UGT2A2: variants seen among roughly 807,000 people sequenced by gnomAD.
UGT2A2 encodes the protein UDP-glucuronosyltransferase 2A2.
A neutral mutation model predicts 50.7 loss-of-function variants in UGT2A2; 60 were observed. The observed-to-expected ratio is 1.18, with a 90% confidence interval of 0.96 to 1.47. UGT2A2 has a LOEUF of 1.47. UGT2A2 is among the 40% of genes most tolerant of loss of function. UGT2A2 has a pLI of 0.00. For synonymous variants in UGT2A2, 242 were observed against 214.6 expected, an observed-to-expected ratio of 1.13 and a Z score of -1.11; for missense variants, 762 against 634.0, an observed-to-expected ratio of 1.20 and a Z score of -2.17.
Position 69,588,649 on chromosome 4 carries a change from T to G in UGT2A2, c.*723A>C, listed in dbSNP as rs1449346493. On this transcript the variant is annotated 3_prime_UTR_variant, in exon 6 of 6. Coordinates refer to ENST00000604629, the MANE Select transcript of UGT2A2 (RefSeq NM_001105677.2). ...TCACCTTCAACATATAACATAGAAC[T>G]TTCTCCTTGAAATAAAAGAGTCGAT... 6.6e-6 allele frequency: 1 copy of G among 152,010 alleles called. No individual in the cohort carries two copies. Among genetic ancestry groups the G allele is most frequent in the African/African-American group, 2.4e-5 (1 of 41,510 alleles). The allele number at this position is 152,010 out of a possible 1,614,324, so 9.4% of individuals were successfully genotyped here.
At chr4:69,600,502 G>C (rs115475103) in intron 1 of UGT2A2, among the ~76,000 whole-genome samples, 1 of 152,164 alleles carries the variant, frequency 6.6e-6, no homozygotes, top group Non-Finnish European at 1.5e-5. Context: ...ATGGCCACAG[G>C]CACAAGAGAT....
chr4:69,633,831 T>C (rs1016031572), intron 1 of UGT2A2, among the ~76,000 whole-genome samples: 3 of 152,184 alleles, frequency 2.0e-5, no homozygotes, highest in African/African-American at 4.8e-5. Context: ...AGAGGAGTTA[T>C]GGATTGCATT....
In UGT2A2 at chr4:69,616,444, T is replaced by C. The variant is rs919538707; in HGVS notation, c.743-17050A>G. Among the ~76,000 whole-genome samples the C allele has an allele frequency of 3.3e-5, 5 of 152,140 alleles. No homozygotes were observed. In the East Asian group the frequency reaches 7.7e-4, roughly 24 times the overall value. ...TATGGATATCCCAATTATCCTGATT[T>C]GATCATTACACATTTTAAGCTTTCA... is the stretch of plus-strand genomic sequence containing the variant. On this transcript the variant is annotated intron_variant, in intron 1 of 5. Coordinates refer to ENST00000604629, the MANE Select transcript of UGT2A2 (RefSeq NM_001105677.2).
At chr4:69,613,995 A>G (rs1385198340) in intron 1 of UGT2A2, among the ~76,000 whole-genome samples, 3 of 152,106 alleles carry the variant, frequency 2.0e-5, no homozygotes, top group Non-Finnish European at 4.4e-5. Flanking sequence ...GACGAGTGAA[A>G]GAAGTAAAGG....
At chr4:69,599,562 A>T in intron 1 of UGT2A2, 168 bp from the exon 2 acceptor site, 1 of 1,016,372 alleles carries the variant, frequency 9.8e-7, no homozygotes, top group Non-Finnish European at 1.3e-6. Flanking sequence ...ATTAAAGAGG[A>T]TGGAAGAAAG....
intron 1 of UGT2A2, among the ~76,000 whole-genome samples, chr4:69,605,949 A>C (rs1719583656): frequency 7.3e-6 from 1 of 136,866 alleles, no homozygotes; most frequent in Non-Finnish European, 1.6e-5. Context: ...GCAACCAAAA[A>C]AAGTCCAGGA....
chr4:69,594,882 G>T (rs937674518), intron 4 of UGT2A2, among the ~76,000 whole-genome samples, 186 bp from the exon 5 acceptor site: 1 of 152,126 alleles, frequency 6.6e-6, no homozygotes, highest in Admixed American at 6.6e-5. Context: ...GTAATTAACA[G>T]CATTTGCATT....
At chr4:69,589,889 G>T (rs1202872624) in intron 5 of UGT2A2, among the ~76,000 whole-genome samples, 2 of 152,164 alleles carry the variant, frequency 1.3e-5, no homozygotes, top group African/African-American at 4.8e-5. Context: ...AGTAGAGTAA[G>T]CCAGTTGTAA....
intron 1 of UGT2A2, among the ~76,000 whole-genome samples, chr4:69,637,521 C>T (rs1443242225): frequency 6.6e-6 from 1 of 152,092 alleles, no homozygotes; most frequent in Non-Finnish European, 1.5e-5. Flanking sequence ...TCCTAAAAGG[C>T]TTTTCCTCCA....
chr4:69,621,227 G>A (rs1474053759), intron 1 of UGT2A2, among the ~76,000 whole-genome samples: 1 of 151,994 alleles, frequency 6.6e-6, no homozygotes, highest in African/African-American at 2.4e-5. Flanking sequence ...CAGAATGAGA[G>A]AAAATATTTG....
intron 1 of UGT2A2, among the ~76,000 whole-genome samples, chr4:69,614,361 G>C (rs931899929): frequency 1.3e-5 from 2 of 152,042 alleles, no homozygotes; most frequent in South Asian, 4.1e-4. Flanking sequence ...TCATAGAATA[G>C]AGGAATCGAA....
At chr4:69,597,263 C>G (rs1718982261) in intron 2 of UGT2A2, among the ~76,000 whole-genome samples, 1 of 152,124 alleles carries the variant, frequency 6.6e-6, no homozygotes. Context: ...CAACTGTAAT[C>G]ACAATGATGC....
In UGT2A2 at chr4:69,589,371, C is replaced by A. The variant is rs1411320571; in HGVS notation, c.*1G>T. On this transcript the variant is annotated 3_prime_UTR_variant, in exon 6 of 6. Coordinates refer to ENST00000604629, the MANE Select transcript of UGT2A2 (RefSeq NM_001105677.2). ...TATATATATTTCCTCTTTTTCTTGA[C>A]CTATTCTCTTTTTTTCTTCTTTCCT... 3 of 1,608,212 alleles carry A rather than the reference C, an allele frequency of 1.9e-6. No homozygotes were observed. The South Asian group carries it at 3.3e-5, about 18-fold the overall frequency.
chr4:69,606,527 C>G (rs1236481481), intron 1 of UGT2A2, among the ~76,000 whole-genome samples: 2 of 136,172 alleles, frequency 1.5e-5, no homozygotes, highest in Non-Finnish European at 3.1e-5. Flanking sequence ...CAGGGATGCC[C>G]TCTCTCACCA....
chr4:69,635,830 A>AAAAAAAAAAAAAAAAAAAAAAC (rs1721662131), intron 1 of UGT2A2: 1 of 92,022 alleles, frequency 1.1e-5, no homozygotes, highest in African/African-American at 3.9e-5. Flanking sequence ...CACCTCACCA[A>AAAAAAAAAAAAAAAAAAAAAAC]AAAAAAAAAA....
Position 69,594,694 on chromosome 4 carries a change from G to A in UGT2A2, c.1114C>T (p.His372Tyr), listed in dbSNP as rs1718814387. 6.2e-7 allele frequency: 1 copy of A among 1,612,532 alleles called. No homozygotes were observed. The highest frequency in any genetic ancestry group is 1.3e-5 in the African/African-American group (1 of 74,890). The change falls in exon 5 of 6, where the codon CAT (histidine) becomes TAT (tyrosine). Residue 372 changes from histidine (H) to tyrosine (Y), a missense_variant and splice_region_variant. Coordinates refer to ENST00000604629, the MANE Select transcript of UGT2A2 (RefSeq NM_001105677.2). ...GTGATAAAAGCTTTGGTTTTGGGAT[G>A]TCCTAATTTGAGGATGGAGTGAGAA... Reference protein sequence around the residue: ...DWIPQNDLLGHPKTKAFITHG... With the variant: ...DWIPQNDLLGYPKTKAFITHG...
intron 1 of UGT2A2, among the ~76,000 whole-genome samples, chr4:69,601,916 C>A (rs1170388777): frequency 1.5e-5 from 2 of 136,324 alleles, no homozygotes; most frequent in Non-Finnish European, 1.6e-5. Flanking sequence ...AGGGCTGTAC[C>A]ACAACCATGC....
chr4:69,632,723 A>G (rs1410245132), intron 1 of UGT2A2, among the ~76,000 whole-genome samples: 1 of 151,972 alleles, frequency 6.6e-6, no homozygotes, highest in African/African-American at 2.4e-5. Context: ...CCCTGTCTCT[A>G]TTAAAAATAC....
intron 1 of UGT2A2, among the ~76,000 whole-genome samples, chr4:69,626,220 A>G (rs941093434): frequency 6.6e-6 from 1 of 151,150 alleles, no homozygotes; most frequent in Non-Finnish European, 1.5e-5. Context: ...AATTTCATCC[A>G]TTAGAAGCTT....
Sources: allele counts gnomAD v4.1 joint callset (sites outside exome capture counted in the v4.1 genomes callset), GRCh38; gene constraint gnomAD v4.1.1; transcripts MANE v1.5; gene names NCBI Gene and HGNC (gene_info 2026-07-23, HGNC 2026-07-21).